The following CADM2 variants were observed in gnomAD, a reference collection of about 807,000 sequenced individuals.
The protein encoded by CADM2 is immunoglobulin superfamily member 4D.
Under a neutral mutation model 49.8 loss-of-function variants are expected in CADM2, and 12 were observed. That is an observed-to-expected ratio of 0.24 (90% CI 0.15 to 0.39). The LOEUF (loss-of-function observed/expected upper bound fraction) is 0.39. CADM2 is among the 10% of genes least tolerant of loss of function. CADM2 has a pLI of 1.00. For missense variants in CADM2, 378 were observed against 492.3 expected (o/e 0.77, Z 2.20); for synonymous variants, 214 against 175.4 (o/e 1.22, Z -1.74).
At chr3:85,283,138 T>C (rs2043545981) in intron 1 of CADM2, among the ~76,000 whole-genome samples, 1 of 152,066 alleles carries the variant, frequency 6.6e-6, no homozygotes, top group Non-Finnish European at 1.5e-5. Flanking sequence ...GGATAATGAT[T>C]TTCTTTGATA....
intron 8 of CADM2, chr3:86,014,145 T>G: frequency 7.8e-7 from 1 of 1,284,778 alleles, no homozygotes; most frequent in Non-Finnish European, 1.1e-6. Flanking sequence ...TTTTGAAATT[T>G]TGGTGGAACT....
intron 1 of CADM2, among the ~76,000 whole-genome samples, chr3:85,695,267 T>C (rs1411848378): frequency 6.6e-6 from 1 of 152,170 alleles, no homozygotes; most frequent in Non-Finnish European, 1.5e-5. Context: ...TTCGGGCTTT[T>C]AGTGTACCCA....
chr3:85,131,473 A>G (rs560339880), intron 1 of CADM2, among the ~76,000 whole-genome samples: 1 of 152,182 alleles, frequency 6.6e-6, no homozygotes, highest in African/African-American at 2.4e-5. Flanking sequence ...ATTGACTTAC[A>G]TAATAATTTC....
At chr3:85,573,924 A>G (rs1038139727) in intron 1 of CADM2, among the ~76,000 whole-genome samples, 13 of 152,002 alleles carry the variant, frequency 8.6e-5, no homozygotes, top group African/African-American at 2.9e-4. Context: ...AGTAATCTAC[A>G]TATGCAACAT....
intron 1 of CADM2, among the ~76,000 whole-genome samples, chr3:85,314,034 C>T (rs763057229): frequency 1.4e-4 from 21 of 152,172 alleles, no homozygotes; most frequent in Non-Finnish European, 2.2e-4. Flanking sequence ...GGGACTAAGG[C>T]GCGTGCCACC....
At position 86,067,096 on chromosome 3, in the gene CADM2, A is replaced by G. The variant is rs968371521; in HGVS notation, c.*313A>G. The stretch of plus-strand genomic sequence containing the variant: ...GATCATTATATTGAGTGGTTTTTAT[A>G]CATTAAAAAATGTATGCAGAGTTTT... On this transcript the variant is annotated 3_prime_UTR_variant, in exon 10 of 10. Coordinates refer to ENST00000383699, the MANE Select transcript of CADM2 (RefSeq NM_001167675.2). 8.8e-6 allele frequency: 2 copies of G among 226,784 alleles called. No individual in the cohort carries two copies. Among genetic ancestry groups the G allele is most frequent in the Non-Finnish European group, 1.7e-5 (2 of 115,106 alleles). The allele number at this position is 226,784 out of a possible 1,614,324, so 14.0% of individuals were successfully genotyped here. A position where few individuals can be genotyped will look rare whatever the true frequency, so the allele number is the denominator to read the frequency against.
chr3:85,543,583 C>G (rs1428481623), intron 1 of CADM2, among the ~76,000 whole-genome samples: 1 of 152,076 alleles, frequency 6.6e-6, no homozygotes, highest in Non-Finnish European at 1.5e-5. Context: ...CGCACCTGGC[C>G]AAGTTCTAGA....
In CADM2 at chr3:85,807,890, A is replaced by AT. The variant is rs550925359; in HGVS notation, c.238+5703dup. 7.0e-3 allele frequency among the ~76,000 whole-genome samples: 1,059 copies of AT among 151,698 alleles called. 9 individuals are homozygous for AT. The highest frequency in any genetic ancestry group is 0.023 in the African/African-American group (967 of 41,374). Reference sequence around the variant, plus strand: ...ACATGCATCAAATATTCAATAAATGATTTTTTTTTACCATTTAAATTGTAC... The same window carrying AT: ...ACATGCATCAAATATTCAATAAATGATTTTTTTTTTACCATTTAAATTGTAC... On this transcript the variant is annotated intron_variant, in intron 3 of 9. Transcript: ENST00000383699.
intron 8 of CADM2, among the ~76,000 whole-genome samples, chr3:86,048,350 A>C (rs938437819): frequency 3.9e-5 from 6 of 151,996 alleles, no homozygotes; most frequent in African/African-American, 1.2e-4. Flanking sequence ...GAAAAATATG[A>C]ATTAAGTTTA....
At chr3:86,013,020 T>C in intron 8 of CADM2, 6 of 996,550 alleles carry the variant, frequency 6.0e-6, no homozygotes, top group Non-Finnish European at 9.6e-6. Context: ...TTATCGATTA[T>C]GTGCCAAACA....
chr3:86,012,903 A>G lies in CADM2; in HGVS notation c.970+51256A>G, dbSNP rs888123886. On this transcript the variant is annotated intron_variant, in intron 8 of 9. Transcript: ENST00000383699. Reference sequence around the variant, plus strand: ...GGCAGGAGAATGGCGTGAACCCGGGAGGCGGAGCTTGCAGTGAGCCGAGAT... The same window carrying G: ...GGCAGGAGAATGGCGTGAACCCGGGGGGCGGAGCTTGCAGTGAGCCGAGAT... 1.5e-5 allele frequency: 9 copies of G among 590,462 alleles called. No individual in the cohort carries two copies. In the African/African-American group the frequency reaches 1.7e-4, roughly 11 times the overall value. The allele number at this position is 590,462 out of a possible 1,614,324, so 36.6% of individuals were successfully genotyped here. A position where few individuals can be genotyped will look rare whatever the true frequency, so the allele number is the denominator to read the frequency against.
At chr3:86,055,265 T>C (rs1206382636) in intron 8 of CADM2, among the ~76,000 whole-genome samples, 4 of 152,040 alleles carry the variant, frequency 2.6e-5, no homozygotes, top group Non-Finnish European at 1.5e-5. Flanking sequence ...ATACCACCAA[T>C]TGGGTAGTTT....
chr3:85,244,956 A>T (rs2042613666), intron 1 of CADM2, among the ~76,000 whole-genome samples: 1 of 152,116 alleles, frequency 6.6e-6, no homozygotes, highest in African/African-American at 2.4e-5. Context: ...CTATTATTTT[A>T]TCTATTTTAC....
At chr3:85,118,744 T>C (rs1234638865) in intron 1 of CADM2, among the ~76,000 whole-genome samples, 2 of 152,132 alleles carry the variant, frequency 1.3e-5, no homozygotes, top group Non-Finnish European at 2.9e-5. Context: ...TTTATTTATA[T>C]TTATTTATTT....
chr3:85,412,990 A>T (rs552101991), intron 1 of CADM2, among the ~76,000 whole-genome samples: 2 of 151,266 alleles, frequency 1.3e-5, no homozygotes, highest in South Asian at 4.2e-4. Flanking sequence ...AAACACAAAA[A>T]ATTAGCCAGG....
At chr3:85,482,764 T>A (rs1576633182) in intron 1 of CADM2, among the ~76,000 whole-genome samples, 1 of 151,544 alleles carries the variant, frequency 6.6e-6, no homozygotes, top group African/African-American at 2.4e-5. Flanking sequence ...TTCTACAGAC[T>A]TTTTTCCTTG....
chr3:86,045,656 G>A (rs926355879), intron 8 of CADM2, among the ~76,000 whole-genome samples: 6 of 152,076 alleles, frequency 3.9e-5, no homozygotes, highest in Admixed American at 1.3e-4. Flanking sequence ...TTTTTGATAT[G>A]TCTAAGTGAA....
intron 1 of CADM2, among the ~76,000 whole-genome samples, chr3:85,554,806 G>C (rs553174752): frequency 1.2e-5 from 1 of 85,902 alleles, no homozygotes; most frequent in South Asian, 3.7e-4. Context: ...CAATCCTCCC[G>C]AGTAGCTAGG....
At chr3:85,397,401 T>C (rs2034844237) in intron 1 of CADM2, among the ~76,000 whole-genome samples, 1 of 152,084 alleles carries the variant, frequency 6.6e-6, no homozygotes. Flanking sequence ...CCCAAAAGAA[T>C]TGAGGAGATG....
Sources: gnomAD v4.1 joint callset for allele counts (sites outside exome capture counted in the v4.1 genomes callset) on GRCh38, gnomAD v4.1.1 for gene constraint, MANE v1.5 for transcripts, NCBI Gene and HGNC (gene_info 2026-07-23, HGNC 2026-07-21) for gene names.